The following CPT1C variants were observed in gnomAD, a reference collection of about 807,000 sequenced individuals.
CPT1C encodes the protein carnitine palmitoyltransferase 1C, also known as palmitoyl thioesterase CPT1C.
A neutral mutation model predicts 97.3 loss-of-function variants in CPT1C; 61 were observed. The ratio of observed to expected loss-of-function variants is 0.63; its 90% CI spans 0.51 to 0.78. The LOEUF is 0.78. CPT1C is among the 30% of genes least tolerant of loss of function. The pLI is 0.00. For missense variants in CPT1C, 975 were observed against 1,065.5 expected (o/e 0.92, Z 1.18); for synonymous variants, 469 against 447.2 (o/e 1.05, Z -0.61).
intron 3 of CPT1C, among the ~76,000 whole-genome samples, chr19:49,693,221 G>T (rs1038366468): frequency 1.3e-5 from 2 of 152,140 alleles, no homozygotes; most frequent in African/African-American, 4.8e-5. Flanking sequence ...CATGCCCAAT[G>T]TGTAACCAGC....
At chr19:49,704,834 G>T (rs369066476) in intron 8 of CPT1C, 47 bp downstream of exon 8, 1 of 1,559,412 alleles carries the variant, frequency 6.4e-7, no homozygotes, top group Non-Finnish European at 8.8e-7. Flanking sequence ...TCTAGGGTTG[G>T]GGGGTACCTG....
At chr19:49,699,780 C>A (rs1041380069) in intron 4 of CPT1C, among the ~76,000 whole-genome samples, 11 of 152,172 alleles carry the variant, frequency 7.2e-5, no homozygotes, top group Admixed American at 7.2e-4. Flanking sequence ...TGTGGTGAAA[C>A]CCTCTCTACT....
intron 8 of CPT1C, 102 bp downstream of exon 8, chr19:49,704,889 C>A: frequency 7.1e-7 from 1 of 1,409,298 alleles, no homozygotes; most frequent in Non-Finnish European, 1.0e-6. Flanking sequence ...TCTAGACGCG[C>A]CATCTGGGAT....
At chr19:49,709,910 G>A (rs143096125) in intron 14 of CPT1C, among the ~76,000 whole-genome samples, 4,421 of 150,212 alleles carry the variant, frequency 0.029, 68 homozygotes, top group African/African-American at 0.038. Flanking sequence ...GCAGTGGTGC[G>A]ATCTCAGCTC....
At chr19:49,702,124 A>G (rs7246809) in intron 7 of CPT1C, among the ~76,000 whole-genome samples, 2 of 119,142 alleles carry the variant, frequency 1.7e-5, no homozygotes, top group African/African-American at 6.3e-5. Context: ...TTATTTATTT[A>G]TAAATTATAA....
chr19:49,710,272 A>AC, intron 14 of CPT1C, 48 bp from the exon 15 acceptor site: 1 of 1,587,304 alleles, frequency 6.3e-7, no homozygotes, highest in Non-Finnish European at 8.6e-7. Flanking sequence ...CTTTCACCCT[A>AC]CCCCCATCTG....
In CPT1C at chr19:49,706,224, C is replaced by A; in HGVS notation, c.1161-7C>A. 1 of 1,530,606 alleles carries A rather than the reference C, an allele frequency of 6.5e-7. No homozygotes were observed. Among genetic ancestry groups the A allele is most frequent in the Non-Finnish European group, 8.8e-7 (1 of 1,140,670 alleles). The allele number at this position is 1,530,606 out of a possible 1,614,324, so 94.8% of individuals were successfully genotyped here. ...GGATGGACTCAGGCACATCCCGGGCCCTCCAGGGGCACGTGGGCCCAGGTG... is the reference window on the plus strand; with the variant it reads ...GGATGGACTCAGGCACATCCCGGGCACTCCAGGGGCACGTGGGCCCAGGTG... On this transcript the variant is annotated splice_polypyrimidine_tract_variant and splice_region_variant and intron_variant, in intron 11 of 19. Coordinates refer to ENST00000598293, the MANE Select transcript of CPT1C (RefSeq NM_001199753.2). The surrounding 1 kb of genome is among the most constrained non-coding windows in gnomAD (Gnocchi z 4.8).
In CPT1C at chr19:49,706,474, A is replaced by C. The variant is rs969654739; in HGVS notation, c.1343+61A>C. ...CACCCGAGAATCCAGTATCAGACCT[A>C]GGACCCCTGACAGTAGACAGCCAGA... On this transcript the variant is annotated intron_variant, in intron 12 of 19. Transcript: ENST00000598293. This position sits in a 1 kb window ranked among gnomAD's most constrained non-coding sequence, Gnocchi z 4.8. 14 of 1,362,984 alleles carry C rather than the reference A, an allele frequency of 1.0e-5. No homozygotes were observed. The African/African-American group carries it at 2.1e-4, about 21-fold the overall frequency. 84.4% of individuals were successfully genotyped at this position (1,362,984 alleles called of 1,614,324 possible).
chr19:49,703,563 T>TCCTCTCTC (rs2083318142), intron 7 of CPT1C, among the ~76,000 whole-genome samples: 1 of 61,624 alleles, frequency 1.6e-5, no homozygotes, highest in East Asian at 4.9e-4. Flanking sequence ...TGTCTCTCTC[T>TCCTCTCTC]CCTCCCTCCC....
intron 9 of CPT1C, 38 bp from the exon 10 acceptor site, chr19:49,705,176 G>C: frequency 6.2e-7 from 1 of 1,613,662 alleles, no homozygotes; most frequent in Non-Finnish European, 8.5e-7. Context: ...GGCCACGTGG[G>C]TCCTGGAAGG....
intron 16 of CPT1C, 24 bp from the exon 17 acceptor site, chr19:49,711,785 C>A: frequency 6.3e-7 from 1 of 1,593,650 alleles, no homozygotes. Context: ...TTTCCATGAC[C>A]TGTGACCTCC....
intron 3 of CPT1C, among the ~76,000 whole-genome samples, chr19:49,695,191 T>A (rs943522422): frequency 1.3e-5 from 2 of 151,628 alleles, no homozygotes; most frequent in South Asian, 2.1e-4. Flanking sequence ...AATACATACA[T>A]ACATAGATAC....
At chr19:49,698,959 C>T (rs893152309) in intron 4 of CPT1C, among the ~76,000 whole-genome samples, 7 of 151,944 alleles carry the variant, frequency 4.6e-5, no homozygotes, top group South Asian at 2.1e-4. Flanking sequence ...AAAAATTAGC[C>T]GAGTGTGGTG....
At chr19:49,692,130 T>G (rs1244725120) in intron 2 of CPT1C, 109 bp from the exon 3 acceptor site, 19 of 1,122,560 alleles carry the variant, frequency 1.7e-5, no homozygotes, top group Non-Finnish European at 2.3e-5. Flanking sequence ...GAGGAGGGAC[T>G]GGGGCCTGGA....
chr19:49,709,196 C>T (rs1327344665), intron 14 of CPT1C, among the ~76,000 whole-genome samples: 3 of 151,850 alleles, frequency 2.0e-5, no homozygotes, highest in Non-Finnish European at 4.4e-5. Flanking sequence ...CCCAACACCA[C>T]CTGAATTCAT....
At chr19:49,692,193 AG>A in intron 2 of CPT1C, 45 bp from the exon 3 acceptor site, 1 of 1,594,962 alleles carries the variant, frequency 6.3e-7, no homozygotes. Context: ...CCTGAGTCTG[AG>A]GGCGGAGGGG....
chr19:49,701,816 T>C (rs1437419741), intron 7 of CPT1C, among the ~76,000 whole-genome samples, 182 bp downstream of exon 7: 2 of 130,326 alleles, frequency 1.5e-5, no homozygotes, highest in African/African-American at 5.8e-5. Context: ...TCCACATTTA[T>C]ATATATATAA....
In CPT1C at chr19:49,692,424, G is replaced by C. The variant is rs111386017; in HGVS notation, c.141+31G>C. The C allele has an allele frequency of 1.9e-6, 3 of 1,610,174 alleles. No individual in the cohort carries two copies. In the South Asian group the frequency reaches 3.3e-5, roughly 18 times the overall value. On this transcript the variant is annotated intron_variant, in intron 3 of 19. Transcript: ENST00000598293. ...GAGCGGTGCTGGTCGGTTTCCTTCCGGGGATCCAGGTTTCTGCTTCCGGGA... is the reference window on the plus strand; with the variant it reads ...GAGCGGTGCTGGTCGGTTTCCTTCCCGGGATCCAGGTTTCTGCTTCCGGGA...
intron 13 of CPT1C, among the ~76,000 whole-genome samples, chr19:49,708,356 G>T (rs1470527430): frequency 2.0e-5 from 3 of 151,946 alleles, no homozygotes; most frequent in Non-Finnish European, 1.5e-5. Context: ...AACAAAACCA[G>T]CCAGTCATGG....
Sources: gnomAD v4.1 joint callset for allele counts (sites outside exome capture counted in the v4.1 genomes callset) on GRCh38, gnomAD v4.1.1 for gene constraint, Gnocchi (gnomAD v3.1) non-coding constraint, MANE v1.5 for transcripts, NCBI Gene and HGNC (gene_info 2026-07-23, HGNC 2026-07-21) for gene names.